SH3RF3: variants seen among roughly 807,000 people sequenced by gnomAD.
SH3RF3 encodes SH3 domain containing ring finger 3.
In SH3RF3, 29 loss-of-function variants were observed where a neutral mutation model predicts 66.3. The observed-to-expected ratio is 0.44, with a 90% CI of 0.33 to 0.60. The LOEUF (loss-of-function observed/expected upper bound fraction) is 0.60. Among genes scored for constraint, SH3RF3 ranks in the 20% least tolerant of loss-of-function variants. The pLI, the probability that SH3RF3 is intolerant of heterozygous loss-of-function variation, is 0.04. For missense variants in SH3RF3, 1,194 were observed against 1,190.9 expected, an observed-to-expected ratio of 1.00 and a Z score of -0.04; for synonymous variants, 583 against 532.0, an observed-to-expected ratio of 1.10 and a Z score of -1.32.
chr2:109,286,398 C>G (rs1408754869), intron 1 of SH3RF3, among the ~76,000 whole-genome samples: 1 of 152,186 alleles, frequency 6.6e-6, no homozygotes, highest in African/African-American at 2.4e-5. Context: ...AAGCAGGAAC[C>G]TGGAGGCCCA....
At chr2:109,199,164 C>T (rs570611822) in intron 1 of SH3RF3, among the ~76,000 whole-genome samples, 1 of 151,906 alleles carries the variant, frequency 6.6e-6, no homozygotes, top group South Asian at 2.1e-4. Context: ...TCGAGACCAT[C>T]CTGGCTAACA....
chr2:109,461,742 C>T (rs1678212470), intron 8 of SH3RF3, among the ~76,000 whole-genome samples: 1 of 152,238 alleles, frequency 6.6e-6, no homozygotes, highest in Non-Finnish European at 1.5e-5. Context: ...CCTCAGGCAC[C>T]ACTGGATCTC....
intron 1 of SH3RF3, among the ~76,000 whole-genome samples, chr2:109,307,622 G>A (rs1408042952): frequency 1.5e-5 from 2 of 131,370 alleles, no homozygotes; most frequent in African/African-American, 6.3e-5. Context: ...CCCTTCCTGT[G>A]TCCATGTGAT....
intron 1 of SH3RF3, among the ~76,000 whole-genome samples, chr2:109,333,453 G>T (rs1353464284): frequency 6.6e-6 from 1 of 152,174 alleles, no homozygotes; most frequent in African/African-American, 2.4e-5. Flanking sequence ...CAGTCATCCT[G>T]GACTTGAGAT....
At chr2:109,341,944 G>T (rs1682560272) in intron 1 of SH3RF3, among the ~76,000 whole-genome samples, 3 of 152,052 alleles carry the variant, frequency 2.0e-5, no homozygotes, top group Non-Finnish European at 2.9e-5. Flanking sequence ...GCAGAAAGTG[G>T]GTATCAGGGG....
chr2:109,266,255 G>A (rs970006874), intron 1 of SH3RF3, among the ~76,000 whole-genome samples: 7 of 151,760 alleles, frequency 4.6e-5, no homozygotes, highest in Non-Finnish European at 1.0e-4. Context: ...TGTGCTGTGT[G>A]TGTTGTGCGT....
chr2:109,257,402 G>A (rs185182453), intron 1 of SH3RF3, among the ~76,000 whole-genome samples: 7 of 151,824 alleles, frequency 4.6e-5, no homozygotes, highest in South Asian at 2.1e-4. Flanking sequence ...AGGAGGGAGA[G>A]GAAGGGAAGG....
At chr2:109,238,760 C>T (rs909785522) in intron 1 of SH3RF3, among the ~76,000 whole-genome samples, 3 of 152,150 alleles carry the variant, frequency 2.0e-5, no homozygotes, top group African/African-American at 4.8e-5. Flanking sequence ...ATGCTTGCAT[C>T]CTCTGTGGCT....
chr2:109,288,509 A>G (rs115606319), intron 1 of SH3RF3, among the ~76,000 whole-genome samples: 3 of 152,214 alleles, frequency 2.0e-5, no homozygotes, highest in African/African-American at 7.2e-5. Flanking sequence ...AAATAGAGGC[A>G]CCCCAGGTGA....
At chr2:109,385,419 A>G (rs1458098373) in intron 3 of SH3RF3, among the ~76,000 whole-genome samples, 1 of 150,332 alleles carries the variant, frequency 6.7e-6, no homozygotes, top group Non-Finnish European at 1.5e-5. Flanking sequence ...GTCCTGTTGC[A>G]AAAATGCATT....
intron 3 of SH3RF3, among the ~76,000 whole-genome samples, chr2:109,377,403 AGCGTCAG>A (rs1344894643): frequency 9.2e-5 from 14 of 152,266 alleles, no homozygotes; most frequent in Non-Finnish European, 1.6e-4. Context: ...AAAAGGCCAT[AGCGTCAG>A]TGGCTGTGGT....
intron 1 of SH3RF3, among the ~76,000 whole-genome samples, chr2:109,307,185 T>C (rs1209480860): frequency 6.6e-6 from 1 of 152,238 alleles, no homozygotes; most frequent in Non-Finnish European, 1.5e-5. Flanking sequence ...TAGTTTCCAC[T>C]GCTGGGAGGT....
intron 1 of SH3RF3, among the ~76,000 whole-genome samples, chr2:109,328,176 C>T (rs1682198821): frequency 6.6e-6 from 1 of 152,222 alleles, no homozygotes; most frequent in Admixed American, 6.5e-5. Flanking sequence ...CAGTAGTTGC[C>T]TGATATTAGT....
At chr2:109,309,266 A>C (rs1681671432) in intron 1 of SH3RF3, among the ~76,000 whole-genome samples, 1 of 147,970 alleles carries the variant, frequency 6.8e-6, no homozygotes, top group Non-Finnish European at 1.5e-5. Context: ...ATTTTTGTAC[A>C]TTGATTTTGT....
At chr2:109,245,619 T>C (rs180775562) in intron 1 of SH3RF3, among the ~76,000 whole-genome samples, 2 of 152,372 alleles carry the variant, frequency 1.3e-5, no homozygotes, top group African/African-American at 4.8e-5. Flanking sequence ...AGTCTATATA[T>C]AAAATAACTT....
Position 109,130,092 on chromosome 2 carries a change from C to T in SH3RF3, c.552C>T (p.Ser184=). ...TAGSLRELAT[S]RTAPAAKNPC... ...GCAGTCTGCGGGAGCTGGCGACCAGCAGGACCGCGCCGGCGGCAAAGGTGA... is the reference window on the plus strand; with the variant it reads ...GCAGTCTGCGGGAGCTGGCGACCAGTAGGACCGCGCCGGCGGCAAAGGTGA... Residue 184 remains serine, a synonymous_variant, in exon 1 of 10, where the codon AGC becomes AGT. Coordinates refer to ENST00000309415, the MANE Select transcript of SH3RF3 (RefSeq NM_001099289.3). 7.4e-7 allele frequency: 1 copy of T among 1,353,704 alleles called. No individual in the cohort carries two copies. The highest frequency in any genetic ancestry group is 9.5e-7 in the Non-Finnish European group (1 of 1,055,472). 83.9% of individuals were successfully genotyped at this position (1,353,704 alleles called of 1,614,324 possible). A position where few individuals can be genotyped will look rare whatever the true frequency, so the allele number is the denominator to read the frequency against.
At chr2:109,398,995 C>T in intron 4 of SH3RF3, 52 bp downstream of exon 4, 3 of 1,525,938 alleles carry the variant, frequency 2.0e-6, no homozygotes, top group Non-Finnish European at 1.8e-6. Flanking sequence ...GGGGTTCTAT[C>T]CTCAGCTCCG....
At chr2:109,348,455 A>C (rs1480613232) in intron 2 of SH3RF3, among the ~76,000 whole-genome samples, 1 of 152,158 alleles carries the variant, frequency 6.6e-6, no homozygotes, top group Non-Finnish European at 1.5e-5. Flanking sequence ...CCTGGTGCGT[A>C]GGGATCCCTG....
chr2:109,488,813 G>A (rs567110484), intron 8 of SH3RF3, among the ~76,000 whole-genome samples: 1 of 152,312 alleles, frequency 6.6e-6, no homozygotes, highest in Non-Finnish European at 1.5e-5. Context: ...CAACCTCCAG[G>A]GCCTGGCACG....
Sources: allele counts gnomAD v4.1 joint callset (sites outside exome capture counted in the v4.1 genomes callset), GRCh38; gene constraint gnomAD v4.1.1; transcripts MANE v1.5; gene names NCBI Gene and HGNC (gene_info 2026-07-23, HGNC 2026-07-21).